Variants in UNC79 observed in about 807,000 individuals in gnomAD.
UNC79 encodes protein unc-79 homolog.
UNC79 carries 37 observed loss-of-function variants against 283.1 expected under a neutral mutation model. The ratio of observed to expected loss-of-function variants is 0.13; its 90% CI spans 0.10 to 0.17. The LOEUF (loss-of-function observed/expected upper bound fraction) is 0.17, where lower values mean the gene tolerates loss of function less well. Ranked by LOEUF, UNC79 falls within the 10% of genes least tolerant of loss-of-function variation. UNC79 has a pLI of 1.00. For missense variants in UNC79, 2,272 were observed against 3,211.1 expected, an observed-to-expected ratio of 0.71 and a Z score of 7.07; for synonymous variants, 1,107 against 1,200.2, an observed-to-expected ratio of 0.92 and a Z score of 1.61.
At chr14:93,497,454 A>G (rs574773815) in intron 7 of UNC79, among the ~76,000 whole-genome samples, 168 bp downstream of exon 7, 5 of 152,354 alleles carry the variant, frequency 3.3e-5, no homozygotes, top group South Asian at 4.1e-4. Context: ...AATTAATTCA[A>G]ATCAATTTCA....
At chr14:93,351,328 A>T (rs904568416) in intron 1 of UNC79, among the ~76,000 whole-genome samples, 1 of 152,234 alleles carries the variant, frequency 6.6e-6, no homozygotes, top group Non-Finnish European at 1.5e-5. Context: ...TCTTTTAATT[A>T]TCAATCTTTG....
At chr14:93,509,438 G>A (rs998123928) in intron 7 of UNC79, among the ~76,000 whole-genome samples, 1 of 152,094 alleles carries the variant, frequency 6.6e-6, no homozygotes, top group African/African-American at 2.4e-5. Context: ...CTGAGATAAG[G>A]CATGTCTCTT....
exon 2 of UNC79, chr14:93,467,671 T>G: frequency 9.1e-7 from 1 of 1,097,320 alleles, no homozygotes; most frequent in Non-Finnish European, 1.2e-6. Flanking sequence ...TTTTATCTAG[T>G]TGCTTCCAAG....
At chr14:93,469,999 A>G (rs1476829726) in intron 2 of UNC79, among the ~76,000 whole-genome samples, 3 of 152,242 alleles carry the variant, frequency 2.0e-5, no homozygotes, top group Non-Finnish European at 4.4e-5. Context: ...CAAAATTATT[A>G]TATATTGTTT....
At chr14:93,343,078 A>G (rs1288087000) in intron 1 of UNC79, among the ~76,000 whole-genome samples, 2 of 152,104 alleles carry the variant, frequency 1.3e-5, no homozygotes, top group South Asian at 2.1e-4. Flanking sequence ...GAGCCCTCCA[A>G]ACTGTTCCAA....
At chr14:93,631,572 C>G (rs757833468) in intron 31 of UNC79, among the ~76,000 whole-genome samples, 5 of 152,142 alleles carry the variant, frequency 3.3e-5, no homozygotes, top group Non-Finnish European at 7.3e-5. Context: ...ACAGTCTTAC[C>G]AAGAATCAGA....
intron 1 of UNC79, among the ~76,000 whole-genome samples, chr14:93,457,260 T>C (rs1418371304): frequency 6.6e-6 from 1 of 152,242 alleles, no homozygotes; most frequent in Non-Finnish European, 1.5e-5. Context: ...TTTTCTGATC[T>C]GAAGGTTCTA....
At chr14:93,421,684 A>G (rs983391836) in intron 1 of UNC79, among the ~76,000 whole-genome samples, 28 of 151,804 alleles carry the variant, frequency 1.8e-4, no homozygotes, top group Non-Finnish European at 3.8e-4. Context: ...ATCACTGATG[A>G]ATATTGATGC....
Position 93,347,275 on chromosome 14 carries a change from C to T in UNC79, c.-351+13752C>T, listed in dbSNP as rs78687332. The stretch of plus-strand genomic sequence containing the variant: ...TTGTCTCACCTGACGCGATATGCCT[C>T]TCCTGCGTGGGCGCTGTCCTGCCCG... On this transcript the variant is annotated intron_variant, in intron 1 of 49. Transcript: ENST00000256339. The T allele has an allele frequency of 9.3e-5, 149 of 1,604,608 alleles. No individual in the cohort carries two copies. In the East Asian group the frequency reaches 1.8e-3, roughly 20 times the overall value.
chr14:93,420,168 GC>G (rs1436713617), intron 1 of UNC79, among the ~76,000 whole-genome samples: 1 of 148,668 alleles, frequency 6.7e-6, no homozygotes, highest in Non-Finnish European at 1.5e-5. Context: ...ACATGGAATG[GC>G]TGAACAGATA....
At chr14:93,691,488 G>A (rs2074696121) in intron 45 of UNC79, 2 of 566,782 alleles carry the variant, frequency 3.5e-6, no homozygotes, top group East Asian at 2.9e-5. Flanking sequence ...GGGCAAGGGG[G>A]TGGGTAGATT....
chr14:93,630,573 A>G (rs747637047), intron 30 of UNC79, among the ~76,000 whole-genome samples: 3 of 152,244 alleles, frequency 2.0e-5, no homozygotes, highest in Non-Finnish European at 4.4e-5. Context: ...TTTTGCTATC[A>G]TTAATCTCCA....
In UNC79 at chr14:93,670,649, C is replaced by T. The variant is rs114295876; in HGVS notation, c.6637-2702C>T. ...TTCTTTTGGGTTTTTATGGAGGTTT[C>T]ATTATGTAGACATGGTCAATTAATC... On this transcript the variant is annotated intron_variant, in intron 40 of 48. Transcript: ENST00000555664. Among the ~76,000 whole-genome samples, 1,221 of 152,254 alleles carry T rather than the reference C, an allele frequency of 8.0e-3. 12 individuals are homozygous for T. Among genetic ancestry groups the T allele is most frequent in the African/African-American group, 0.028 (1,165 of 41,552 alleles).
rs539378992 is a variant in UNC79 at position 93,633,708 on chromosome 14, T to C, written c.5716+2800T>C. On this transcript the variant is annotated intron_variant, in intron 31 of 48. Transcript: ENST00000555664. ...GGACCAGAGGAGACTGCTTTCCAACTCAGCAATCTACTGGCAAAAGTGTTT... is the reference window on the plus strand; with the variant it reads ...GGACCAGAGGAGACTGCTTTCCAACCCAGCAATCTACTGGCAAAAGTGTTT... Among the ~76,000 whole-genome samples the C allele has an allele frequency of 4.6e-5, 7 of 152,318 alleles. No individual in the cohort carries two copies. In the East Asian group the frequency reaches 1.3e-3, roughly 29 times the overall value.
rs898073021 is a variant in UNC79, at chr14:93,547,738, C to G, written c.1755+5042C>G. On this transcript the variant is annotated intron_variant, in intron 14 of 48. Coordinates refer to ENST00000555664, the Ensembl canonical transcript of UNC79. ...AGGAGTAGTGGCTCATGCCTGTAAT[C>G]CCAGCACTTTGGGAGACCGAGGTTG... is the stretch of plus-strand genomic sequence containing the variant. Among the ~76,000 whole-genome samples the G allele has an allele frequency of 3.3e-5, 5 of 152,204 alleles. 1 individual carries two copies. The highest frequency in any genetic ancestry group is 6.5e-5 in the Admixed American group (1 of 15,294).
Position 93,560,611 on chromosome 14 carries a change from C to G in UNC79, c.1756-11283C>G, listed in dbSNP as rs1045267421. Among the ~76,000 whole-genome samples the G allele has an allele frequency of 5.3e-5, 8 of 152,072 alleles. No individual in the cohort carries two copies. The East Asian group carries it at 1.5e-3, about 29-fold the overall frequency. The stretch of plus-strand genomic sequence containing the variant: ...TAGTGGAATAACTCTTTTTTGTCAT[C>G]TCAGTGTCATGAGGGGAACAGGGAG... On this transcript the variant is annotated intron_variant, in intron 14 of 48. Coordinates refer to ENST00000555664, the Ensembl canonical transcript of UNC79.
intron 7 of UNC79, among the ~76,000 whole-genome samples, chr14:93,516,369 A>T (rs375663327): frequency 1.4e-5 from 2 of 144,088 alleles, no homozygotes; most frequent in East Asian, 2.1e-4. Flanking sequence ...TTTTTGGGCT[A>T]TTTTAGTACC....
chr14:93,425,259 A>T (rs1320705021), intron 1 of UNC79, among the ~76,000 whole-genome samples: 1 of 152,208 alleles, frequency 6.6e-6, no homozygotes, highest in Non-Finnish European at 1.5e-5. Flanking sequence ...AAACCATCAG[A>T]TCTTGTGAGA....
intron 7 of UNC79, among the ~76,000 whole-genome samples, chr14:93,518,288 T>G (rs922005217): frequency 2.0e-5 from 3 of 151,532 alleles, no homozygotes; most frequent in African/African-American, 7.3e-5. Flanking sequence ...TAGTTATGGG[T>G]TTTTTTTACT....
Sources: gnomAD v4.1 joint callset for allele counts (sites outside exome capture counted in the v4.1 genomes callset) on GRCh38, gnomAD v4.1.1 for gene constraint, MANE v1.5 for transcripts, NCBI Gene and HGNC (gene_info 2026-07-23, HGNC 2026-07-21) for gene names.